The following F13A1 variants were observed in gnomAD, a reference collection of about 807,000 sequenced individuals.
F13A1 encodes coagulation factor XIII A chain.
In F13A1, 47 loss-of-function variants were observed where a neutral mutation model predicts 80.1. That is an observed-to-expected ratio of 0.59 (90% confidence interval 0.46 to 0.75). The LOEUF (loss-of-function observed/expected upper bound fraction) is 0.75. F13A1 is among the 30% of genes least tolerant of loss of function. F13A1 has a pLI of 0.00. For missense variants in F13A1, 817 were observed against 930.4 expected (o/e 0.88, Z 1.59); for synonymous variants, 349 against 344.9 (o/e 1.01, Z -0.13).
chr6:6,292,132 T>C (rs1007771247), intron 3 of F13A1, among the ~76,000 whole-genome samples: 1 of 152,198 alleles, frequency 6.6e-6, no homozygotes, highest in African/African-American at 2.4e-5. Context: ...GAGATGGCCA[T>C]AGTCCAATGC....
chr6:6,304,221 G>GT (rs111534580), intron 3 of F13A1, among the ~76,000 whole-genome samples: 40,708 of 151,470 alleles, frequency 0.27, 6,171 homozygotes, highest in East Asian at 0.54. Flanking sequence ...TCATTGAGGT[G>GT]TTTTTTTTCT....
chr6:6,233,240 C>A (rs1416897797), intron 6 of F13A1, among the ~76,000 whole-genome samples: 1 of 151,832 alleles, frequency 6.6e-6, no homozygotes, highest in Non-Finnish European at 1.5e-5. Flanking sequence ...ATCCAAATAA[C>A]CTCACTAAGA....
chr6:6,214,265 C>T (rs1210835635), intron 8 of F13A1, among the ~76,000 whole-genome samples: 2 of 151,638 alleles, frequency 1.3e-5, no homozygotes, highest in African/African-American at 2.4e-5. Context: ...CCAAAATTGA[C>T]CACATACTTG....
At chr6:6,272,253 C>T (rs1561674940) in intron 3 of F13A1, among the ~76,000 whole-genome samples, 1 of 152,124 alleles carries the variant, frequency 6.6e-6, no homozygotes, top group Non-Finnish European at 1.5e-5. Context: ...ATACAATGTC[C>T]TAGGTGGTGA....
intron 2 of F13A1, among the ~76,000 whole-genome samples, chr6:6,311,884 A>C (rs1249023023): frequency 6.8e-5 from 10 of 146,548 alleles, no homozygotes; most frequent in Non-Finnish European, 6.0e-5. Context: ...AAAACTATAA[A>C]CCCATGAGTT....
chr6:6,266,591 C>G lies in F13A1; in HGVS notation c.538G>C (p.Asp180His). 1 of 1,614,214 alleles carries G rather than the reference C, an allele frequency of 6.2e-7. No individual in the cohort carries two copies. The highest frequency in any genetic ancestry group is 8.5e-7 in the Non-Finnish European group (1 of 1,180,042). ...VLRTSRNPET[D>H]TYILFNPWCE... Reference sequence around the variant, plus strand: ...CAAGGATTGAAGAGAATGTACGTGTCTGTTTCTGGGTTTCGACTGGTTCGA... The same window carrying G: ...CAAGGATTGAAGAGAATGTACGTGTGTGTTTCTGGGTTTCGACTGGTTCGA... Residue 180 changes from aspartate to histidine, a missense_variant, in exon 4 of 15, where the codon GAC becomes CAC. Transcript: ENST00000264870.
intron 3 of F13A1, among the ~76,000 whole-genome samples, chr6:6,283,985 T>C (rs1169403653): frequency 1.3e-5 from 2 of 152,216 alleles, no homozygotes; most frequent in Non-Finnish European, 2.9e-5. Context: ...AGGGGTTACT[T>C]AGTGAATCAC....
At chr6:6,150,050 A>G (rs1289328534) in intron 14 of F13A1, among the ~76,000 whole-genome samples, 1 of 152,146 alleles carries the variant, frequency 6.6e-6, no homozygotes. Flanking sequence ...TCTAAGACAC[A>G]CAGTGTCTTT....
At chr6:6,184,040 T>C (rs1761035346) in intron 10 of F13A1, among the ~76,000 whole-genome samples, 1 of 152,236 alleles carries the variant, frequency 6.6e-6, no homozygotes, top group African/African-American at 2.4e-5. Flanking sequence ...AATTTTACTT[T>C]CTCACAGAAT....
rs775185029 is a variant in F13A1 at position 6,305,259 on chromosome 6, G to A, written c.319+92C>T. On this transcript the variant is annotated intron_variant, in intron 3 of 14. Transcript: ENST00000264870. ...CCAGCTCCTGCCACTGTTGACATAT[G>A]ACACTAGGAAATCACACAACTGTGC... The A allele has an allele frequency of 2.2e-6, 3 of 1,394,336 alleles. No individual in the cohort carries two copies. In the South Asian group the frequency reaches 3.5e-5, roughly 16 times the overall value. The allele number at this position is 1,394,336 out of a possible 1,614,324, so 86.4% of individuals were successfully genotyped here.
chr6:6,257,431 T>A (rs1757717735), intron 4 of F13A1, among the ~76,000 whole-genome samples: 2 of 152,322 alleles, frequency 1.3e-5, no homozygotes, highest in East Asian at 3.9e-4. Context: ...GTTGCTTGCC[T>A]ATCTAGTAAC....
Position 6,145,485 on chromosome 6 carries a change from C to T in F13A1, c.*134G>A, listed in dbSNP as rs1399268600. On this transcript the variant is annotated 3_prime_UTR_variant, in exon 15 of 15. Coordinates refer to ENST00000264870, the MANE Select transcript of F13A1 (RefSeq NM_000129.4). The stretch of plus-strand genomic sequence containing the variant: ...ATGTTTTTGAAATATGTGGGATCTC[C>T]ACTCTGGAGCCCTCTGCAGTCCTGT... The T allele has an allele frequency of 9.0e-6, 10 of 1,107,450 alleles. No homozygotes were observed. Among genetic ancestry groups the T allele is most frequent in the South Asian group, 1.3e-5 (1 of 77,688 alleles). The allele number at this position is 1,107,450 out of a possible 1,614,324, so 68.6% of individuals were successfully genotyped here.
intron 2 of F13A1, among the ~76,000 whole-genome samples, chr6:6,316,078 C>CATATAT (rs57716665): frequency 8.6e-5 from 3 of 34,942 alleles, no homozygotes; most frequent in African/African-American, 1.4e-4. Flanking sequence ...TGTGTGTGTG[C>CATATAT]ATATATATAT....
intron 6 of F13A1, among the ~76,000 whole-genome samples, chr6:6,226,839 A>G (rs989587288): frequency 1.3e-5 from 2 of 152,184 alleles, no homozygotes; most frequent in Non-Finnish European, 2.9e-5. Flanking sequence ...GGATGTAAAG[A>G]TTACTGGTAT....
intron 14 of F13A1, among the ~76,000 whole-genome samples, chr6:6,146,747 G>A (rs73720312): frequency 5.1e-4 from 78 of 152,196 alleles, no homozygotes; most frequent in African/African-American, 1.7e-3. Flanking sequence ...ATTTGAACCC[G>A]GGTTTTTCTG....
chr6:6,174,719 G>C lies in F13A1; in HGVS notation c.1608C>G (p.Leu536=). The change falls in exon 12 of 15, where the codon CTC becomes CTG. Residue 536 remains leucine (L), a synonymous_variant. Transcript: ENST00000264870. ...GGCTGTTGTTCCGGAAGGTGATGGAGAGCTTGAAGTCTTTTCCCAGCACAG... is the reference window on the plus strand; with the variant it reads ...GGCTGTTGTTCCGGAAGGTGATGGACAGCTTGAAGTCTTTTCCCAGCACAG... ...ENAVLGKDFK[L]SITFRNNSHN... 6.2e-7 allele frequency: 1 copy of C among 1,614,182 alleles called. No individual in the cohort carries two copies. The highest frequency in any genetic ancestry group is 8.5e-7 in the Non-Finnish European group (1 of 1,180,036).
chr6:6,173,943 A>AT (rs1008172370), intron 12 of F13A1, among the ~76,000 whole-genome samples: 2 of 151,908 alleles, frequency 1.3e-5, no homozygotes, highest in Admixed American at 6.6e-5. Context: ...GAGATTCTAC[A>AT]TTTTTTTCAA....
At chr6:6,313,620 A>G (rs1376148290) in intron 2 of F13A1, among the ~76,000 whole-genome samples, 3 of 151,972 alleles carry the variant, frequency 2.0e-5, no homozygotes, top group African/African-American at 4.8e-5. Flanking sequence ...TCTCCATGCA[A>G]TTTTTGGTAA....
chr6:6,233,747 G>A (rs527478738), intron 6 of F13A1, among the ~76,000 whole-genome samples: 39 of 151,926 alleles, frequency 2.6e-4, no homozygotes, highest in Admixed American at 9.8e-4. Context: ...AAGATAATCC[G>A]CCATGATCAA....
Sources: allele counts gnomAD v4.1 joint callset (sites outside exome capture counted in the v4.1 genomes callset), GRCh38; gene constraint gnomAD v4.1.1; transcripts MANE v1.5; gene names NCBI Gene and HGNC (gene_info 2026-07-23, HGNC 2026-07-21).